RSU1: variants seen among roughly 807,000 people sequenced by gnomAD.
The protein encoded by RSU1 is Ras suppressor protein 1, also known as rsu-1.
Under a neutral mutation model 31.1 loss-of-function variants are expected in RSU1, and 26 were observed. The ratio of observed to expected loss-of-function variants is 0.84; its 90% CI spans 0.61 to 1.16. The LOEUF is 1.16. Ranked by LOEUF, RSU1 falls within the 50% of genes most tolerant of loss-of-function variation. The pLI is 0.00. For missense variants in RSU1, 320 were observed against 339.1 expected (o/e 0.94, Z 0.44); for synonymous variants, 164 against 136.3 (o/e 1.20, Z -1.41).
chr10:16,740,370 C>CA, intron 7 of RSU1, among the ~76,000 whole-genome samples: 1 of 152,168 alleles, frequency 6.6e-6, no homozygotes, highest in Non-Finnish European at 1.5e-5. Flanking sequence ...AAGGTTTACA[C>CA]AAAAAAATCT....
At chr10:16,806,471 T>C (rs929921166) in intron 2 of RSU1, among the ~76,000 whole-genome samples, 4 of 152,194 alleles carry the variant, frequency 2.6e-5, no homozygotes. Context: ...TTAATGATGC[T>C]CCTTAAATCT....
chr10:16,802,006 A>G (rs549197846), intron 2 of RSU1, among the ~76,000 whole-genome samples: 2 of 151,988 alleles, frequency 1.3e-5, no homozygotes. Flanking sequence ...AATAATCTAA[A>G]CTTCTACCCT....
At chr10:16,676,890 A>G (rs1835243864) in intron 8 of RSU1, among the ~76,000 whole-genome samples, 1 of 152,206 alleles carries the variant, frequency 6.6e-6, no homozygotes, top group African/African-American at 2.4e-5. Flanking sequence ...AGAACCACTC[A>G]GATAAGGGGT....
At chr10:16,593,683 G>A (rs1446819235) in intron 8 of RSU1, among the ~76,000 whole-genome samples, 187 bp from the exon 9 acceptor site, 2 of 152,210 alleles carry the variant, frequency 1.3e-5, no homozygotes, top group Admixed American at 6.5e-5. Context: ...ACACATGCAC[G>A]CCATGCCATG....
At chr10:16,626,876 G>A (rs1335647772) in intron 8 of RSU1, among the ~76,000 whole-genome samples, 2 of 152,202 alleles carry the variant, frequency 1.3e-5, no homozygotes, top group East Asian at 3.8e-4. Context: ...AGCATTGGGA[G>A]TGGTCTCCCA....
At chr10:16,680,479 TG>T (rs1182295891) in intron 8 of RSU1, among the ~76,000 whole-genome samples, 5 of 152,198 alleles carry the variant, frequency 3.3e-5, no homozygotes, top group Non-Finnish European at 7.3e-5. Context: ...AATTTGCTCA[TG>T]GTTCTTCAGG....
chr10:16,689,464 G>C (rs1385891500), intron 8 of RSU1, among the ~76,000 whole-genome samples: 1 of 152,208 alleles, frequency 6.6e-6, no homozygotes, highest in Non-Finnish European at 1.5e-5. Context: ...GTTTAATAAA[G>C]CCCATGTACG....
intron 2 of RSU1, among the ~76,000 whole-genome samples, chr10:16,811,957 C>A (rs1335010171): frequency 1.3e-5 from 2 of 152,168 alleles, no homozygotes; most frequent in African/African-American, 4.8e-5. Context: ...CGAGGGGCCT[C>A]CTTGAGGAGG....
intron 7 of RSU1, among the ~76,000 whole-genome samples, chr10:16,733,630 G>A (rs987747561): frequency 2.0e-5 from 3 of 152,038 alleles, no homozygotes; most frequent in African/African-American, 2.4e-5. Flanking sequence ...TAATAAATTA[G>A]GGTTCAAAGA....
chr10:16,729,508 C>T (rs1030984574), intron 7 of RSU1, among the ~76,000 whole-genome samples: 4 of 152,084 alleles, frequency 2.6e-5, no homozygotes, highest in African/African-American at 4.8e-5. Flanking sequence ...GGAAGGTTAA[C>T]TGTATGCTAG....
chr10:16,752,423 T>G, intron 7 of RSU1, 116 bp downstream of exon 7: 2 of 735,598 alleles, frequency 2.7e-6, no homozygotes. Context: ...ATCAGCATCG[T>G]GTGCCTAGGT....
chr10:16,738,698 T>A (rs1012482622), intron 7 of RSU1, among the ~76,000 whole-genome samples: 11 of 151,974 alleles, frequency 7.2e-5, no homozygotes, highest in African/African-American at 2.2e-4. Flanking sequence ...ATGTACTTTT[T>A]AAAAAAAAAT....
chr10:16,626,894 T>C (rs940836278), intron 8 of RSU1, among the ~76,000 whole-genome samples: 11 of 152,224 alleles, frequency 7.2e-5, no homozygotes, highest in African/African-American at 2.7e-4. Context: ...CCAGGCTGCA[T>C]ACCTTCTCGA....
chr10:16,783,984 CG>C (rs1451688228), intron 2 of RSU1, among the ~76,000 whole-genome samples: 5 of 152,178 alleles, frequency 3.3e-5, no homozygotes, highest in African/African-American at 1.2e-4. Flanking sequence ...AGGTCTTTGT[CG>C]TCTCCTCTAA....
At chr10:16,670,123 A>G (rs960216620) in intron 8 of RSU1, among the ~76,000 whole-genome samples, 8 of 152,202 alleles carry the variant, frequency 5.3e-5, no homozygotes, top group East Asian at 1.9e-4. Context: ...GTTGTTTTCT[A>G]AGCTGACCAG....
intron 7 of RSU1, among the ~76,000 whole-genome samples, chr10:16,714,998 T>A (rs1343807243): frequency 6.6e-6 from 1 of 152,110 alleles, no homozygotes; most frequent in East Asian, 1.9e-4. Context: ...AGCATACATT[T>A]CCCCATAAAC....
intron 8 of RSU1, among the ~76,000 whole-genome samples, chr10:16,683,230 C>A (rs952035281): frequency 6.9e-6 from 1 of 145,704 alleles, no homozygotes; most frequent in South Asian, 2.2e-4. Context: ...TTTAAACACA[C>A]TGGCTCATAA....
intron 2 of RSU1, among the ~76,000 whole-genome samples, chr10:16,792,947 C>G (rs1394955648): frequency 6.6e-6 from 1 of 152,176 alleles, no homozygotes; most frequent in Non-Finnish European, 1.5e-5. Context: ...GCTTAAAACG[C>G]CTGCCCATGT....
In RSU1 at chr10:16,753,139, T is replaced by C. The variant is rs552120802; in HGVS notation, c.401-139A>G. The C allele has an allele frequency of 3.3e-5, 20 of 612,538 alleles. No individual in the cohort carries two copies. The East Asian group carries it at 5.3e-4, about 16-fold the overall frequency. The allele number at this position is 612,538 out of a possible 1,614,324, so 37.9% of individuals were successfully genotyped here. A position where few individuals can be genotyped will look rare whatever the true frequency, so the allele number is the denominator to read the frequency against. On this transcript the variant is annotated intron_variant, in intron 5 of 8. Coordinates refer to ENST00000345264, the MANE Select transcript of RSU1 (RefSeq NM_012425.4). ...TTGACATACCTAGGGCTCCCAATAA[T>C]AACAAGCAGGTCAAACTTAGATTTA...
Sources: allele counts gnomAD v4.1 joint callset (sites outside exome capture counted in the v4.1 genomes callset), GRCh38; gene constraint gnomAD v4.1.1; transcripts MANE v1.5; gene names NCBI Gene and HGNC (gene_info 2026-07-23, HGNC 2026-07-21).